The following NR2F6 variants were observed in gnomAD, a reference collection of about 807,000 sequenced individuals.
The protein encoded by NR2F6 is ERBA-related gene-2.
In NR2F6, 16 loss-of-function variants were observed where a neutral mutation model predicts 26.5. That is an observed-to-expected ratio of 0.60 (90% confidence interval 0.41 to 0.92). The LOEUF (loss-of-function observed/expected upper bound fraction) is 0.92, where lower values mean the gene tolerates loss of function less well. Ranked by LOEUF, NR2F6 falls within the 40% of genes least tolerant of loss-of-function variation. NR2F6 has a pLI of 0.00. For synonymous variants in NR2F6, 325 were observed against 305.0 expected (o/e 1.07, Z -0.68); for missense variants, 536 against 631.7 (o/e 0.85, Z 1.62).
At position 17,235,298 on chromosome 19, in the gene NR2F6, G is replaced by A. The variant is rs980678332; in HGVS notation, c.940+201C>T. Among the ~76,000 whole-genome samples the A allele has an allele frequency of 6.6e-6, 1 of 152,242 alleles. No individual in the cohort carries two copies. The highest frequency in any genetic ancestry group is 1.5e-5 in the Non-Finnish European group (1 of 68,038). ...AGTTCTCCGAGAGTCCTGGGATCACGGAGTGGGGGTGTCACAGTGTCACAC... is the reference window on the plus strand; with the variant it reads ...AGTTCTCCGAGAGTCCTGGGATCACAGAGTGGGGGTGTCACAGTGTCACAC... On this transcript the variant is annotated intron_variant, in intron 3 of 3. Transcript: ENST00000291442. This position sits in a 1 kb window ranked among gnomAD's most constrained non-coding sequence, Gnocchi z 5.0.
intron 2 of NR2F6, among the ~76,000 whole-genome samples, chr19:17,240,341 G>C (rs1258587186): frequency 6.6e-6 from 1 of 152,244 alleles, no homozygotes; most frequent in Admixed American, 6.5e-5. Context: ...GCTGGAGTCG[G>C]GGGTAATTGG....
Position 17,241,308 on chromosome 19 carries a change from T to G in NR2F6, c.279-543A>C, listed in dbSNP as rs2145567979. Among the ~76,000 whole-genome samples, 2 of 147,998 alleles carry G rather than the reference T, an allele frequency of 1.4e-5. 1 individual carries two copies. Among genetic ancestry groups the G allele is most frequent in the South Asian group, 4.3e-4 (2 of 4,630 alleles). ...GGCCCCAGCATTATCACCCGCACAA[T>G]GCCCACCCCAAGGAATGAGGAAGTA... On this transcript the variant is annotated intron_variant, in intron 1 of 3. Coordinates refer to ENST00000291442, the MANE Select transcript of NR2F6 (RefSeq NM_005234.4).
At chr19:17,238,171 A>G (rs957468656) in intron 2 of NR2F6, among the ~76,000 whole-genome samples, 2 of 152,188 alleles carry the variant, frequency 1.3e-5, no homozygotes, top group Non-Finnish European at 2.9e-5. Context: ...ATGAGAATCT[A>G]TACCTTAAAA....
chr19:17,234,039 A>C (rs540024470), intron 3 of NR2F6, among the ~76,000 whole-genome samples: 132 of 151,976 alleles, frequency 8.7e-4, no homozygotes, highest in African/African-American at 3.2e-3. Context: ...CCTGACCAAC[A>C]TGATGAAACC....
intron 1 of NR2F6, among the ~76,000 whole-genome samples, chr19:17,242,476 G>A (rs1348175850): frequency 6.6e-6 from 1 of 152,158 alleles, no homozygotes; most frequent in African/African-American, 2.4e-5. Flanking sequence ...GGTCAGAGGG[G>A]TTCACGGGGG....
rs1477156078 is a variant in NR2F6 at position 17,235,159 on chromosome 19, G to T, written c.940+340C>A. ...TGTGCTATCAGTGCTCACTAAGCCT[G>T]AAGAGCCCTTTGGTGAGGGAGTAGG... On this transcript the variant is annotated intron_variant, in intron 3 of 3. Transcript: ENST00000291442. This position sits in a 1 kb window ranked among gnomAD's most constrained non-coding sequence, Gnocchi z 5.0. Among the ~76,000 whole-genome samples the T allele has an allele frequency of 6.6e-6, 1 of 152,228 alleles. No individual in the cohort carries two copies. The highest frequency in any genetic ancestry group is 1.5e-5 in the Non-Finnish European group (1 of 68,036).
chr19:17,235,374 T>C lies in NR2F6; in HGVS notation c.940+125A>G. On this transcript the variant is annotated intron_variant, in intron 3 of 3. Transcript: ENST00000291442. This position sits in a 1 kb window ranked among gnomAD's most constrained non-coding sequence, Gnocchi z 5.0. The stretch of plus-strand genomic sequence containing the variant: ...CCCAAGAGCGTTCACTCACGGCGCG[T>C]GCAGGGCCCCAGGCCTAGGGAGCGA... The C allele has an allele frequency of 3.4e-6, 5 of 1,467,348 alleles. No individual in the cohort carries two copies. The highest frequency in any genetic ancestry group is 4.5e-6 in the Non-Finnish European group (5 of 1,116,064). 90.9% of individuals were successfully genotyped at this position (1,467,348 alleles called of 1,614,324 possible).
At chr19:17,243,240 A>G (rs576294297) in intron 1 of NR2F6, among the ~76,000 whole-genome samples, 2 of 152,270 alleles carry the variant, frequency 1.3e-5, no homozygotes, top group Admixed American at 6.5e-5. Context: ...GGGACCCCAG[A>G]TCCCACAGAC....
In NR2F6 at chr19:17,237,702, G is replaced by A. The variant is rs145835470; in HGVS notation, c.374-1637C>T. ...TGGGATTACAGGCGTGAGCCCCCACGCCTGGCCGGCCTTTGCACTTTCTGT... is the reference window on the plus strand; with the variant it reads ...TGGGATTACAGGCGTGAGCCCCCACACCTGGCCGGCCTTTGCACTTTCTGT... On this transcript the variant is annotated intron_variant, in intron 2 of 3. Coordinates refer to ENST00000291442, the MANE Select transcript of NR2F6 (RefSeq NM_005234.4). Among the ~76,000 whole-genome samples the A allele has an allele frequency of 3.6e-3, 549 of 152,238 alleles. 1 individual carries two copies. Among genetic ancestry groups the A allele is most frequent in the East Asian group, 0.011 (57 of 5,168 alleles).
chr19:17,235,128 C>A lies in NR2F6; in HGVS notation c.940+371G>T, dbSNP rs927033851. Among the ~76,000 whole-genome samples the A allele has an allele frequency of 4.9e-4, 74 of 152,232 alleles. No individual in the cohort carries two copies. The highest frequency in any genetic ancestry group is 2.4e-4 in the Non-Finnish European group (16 of 68,042). ...CAGGACCTTCCCTCCCACGTCCCCC[C>A]AACCTTGTGCTATCAGTGCTCACTA... On this transcript the variant is annotated intron_variant, in intron 3 of 3. Coordinates refer to ENST00000291442, the MANE Select transcript of NR2F6 (RefSeq NM_005234.4). The surrounding 1 kb of genome is among the most constrained non-coding windows in gnomAD (Gnocchi z 5.0).
rs2073411105 is a variant in NR2F6, at chr19:17,232,217, C to T, written c.*135G>A. The stretch of plus-strand genomic sequence containing the variant: ...AAAAACAGAAAAGACAAACATTTCA[C>T]AGTCTTTAAAAAATAGAAGTCTGAG... On this transcript the variant is annotated 3_prime_UTR_variant, in exon 4 of 4. Coordinates refer to ENST00000291442, the MANE Select transcript of NR2F6 (RefSeq NM_005234.4). 2 of 1,189,552 alleles carry T rather than the reference C, an allele frequency of 1.7e-6. No individual in the cohort carries two copies. Among genetic ancestry groups the T allele is most frequent in the African/African-American group, 1.5e-5 (1 of 64,680 alleles). 73.7% of individuals were successfully genotyped at this position (1,189,552 alleles called of 1,614,324 possible).
Position 17,242,560 on chromosome 19 carries a change from A to AC in NR2F6, c.279-1796dup, listed in dbSNP as rs533684012. The stretch of plus-strand genomic sequence containing the variant: ...TGAGGATCTGCGCCCACTCCCCCGT[A>AC]CCCCCCCTCCACCACTGCCTGGGTC... On this transcript the variant is annotated intron_variant, in intron 1 of 3. Transcript: ENST00000291442. Among the ~76,000 whole-genome samples, 30 of 151,732 alleles carry AC rather than the reference A, an allele frequency of 2.0e-4. 1 individual carries two copies. The South Asian group carries it at 4.6e-3, about 23-fold the overall frequency.
intron 1 of NR2F6, among the ~76,000 whole-genome samples, chr19:17,244,067 C>T (rs1190070896): frequency 6.6e-6 from 1 of 152,200 alleles, no homozygotes; most frequent in Admixed American, 6.5e-5. Context: ...CGATCGCTTT[C>T]CCTGGGGACC....
chr19:17,240,815 C>T (rs766847967), intron 1 of NR2F6, 50 bp from the exon 2 acceptor site: 54 of 1,577,564 alleles, frequency 3.4e-5, no homozygotes, highest in South Asian at 1.7e-4. Flanking sequence ...TATCCTCCTC[C>T]CCGAACCAGC....
chr19:17,242,386 T>TGGC (rs1327341589), intron 1 of NR2F6, among the ~76,000 whole-genome samples: 2 of 152,136 alleles, frequency 1.3e-5, no homozygotes, highest in African/African-American at 4.8e-5. Flanking sequence ...GCCCCTCAGG[T>TGGC]GGCGACTGCC....
At chr19:17,233,236 G>C (rs910612810) in intron 3 of NR2F6, among the ~76,000 whole-genome samples, 2 of 152,084 alleles carry the variant, frequency 1.3e-5, no homozygotes, top group East Asian at 3.9e-4. Flanking sequence ...AGGATCTCTT[G>C]AGCCTAGGAG....
Position 17,245,040 on chromosome 19 carries a change from C to A in NR2F6, c.181G>T (p.Asp61Tyr). 2 of 1,603,110 alleles carry A rather than the reference C, an allele frequency of 1.2e-6. No homozygotes were observed. Among genetic ancestry groups the A allele is most frequent in the African/African-American group, 1.3e-5 (1 of 74,724 alleles). The change falls in exon 1 of 4, where the codon GAC (aspartate) becomes TAC (tyrosine). Residue 61 changes from aspartate (D) to tyrosine (Y), a missense_variant. Physicochemically the swap from Asp to Tyr is radical, Grantham distance 160. Transcript: ENST00000291442. This position sits in a 1 kb window ranked among gnomAD's most constrained non-coding sequence, Gnocchi z 5.0. ...CCGTAATGCTTGCCGCTCGACTTGTCCCCGCACACCACGCAGTCCACCTGC... is the reference window on the plus strand; with the variant it reads ...CCGTAATGCTTGCCGCTCGACTTGTACCCGCACACCACGCAGTCCACCTGC... ...GLQVDCVVCG[D>Y]KSSGKHYGVF...
Position 17,235,702 on chromosome 19 carries a change from T to TTCAGCACGAAGAGCTCGC in NR2F6, c.719_736dup (p.Ser240_Leu245dup). ...CAGGGGCAGCGCCGCCTGCGCCGCG[T>TTCAGCACGAAGAGCTCGC]TCAGCACGAAGAGCTCGCTCCAGCT... On this transcript the variant is annotated inframe_insertion, in exon 3 of 4. Transcript: ENST00000291442. This position sits in a 1 kb window ranked among gnomAD's most constrained non-coding sequence, Gnocchi z 5.0. 1 of 1,495,300 alleles carries TTCAGCACGAAGAGCTCGC rather than the reference T, an allele frequency of 6.7e-7. No individual in the cohort carries two copies. The allele number at this position is 1,495,300 out of a possible 1,614,324, so 92.6% of individuals were successfully genotyped here. A position where few individuals can be genotyped will look rare whatever the true frequency, so the allele number is the denominator to read the frequency against.
intron 3 of NR2F6, among the ~76,000 whole-genome samples, chr19:17,234,696 TA>T (rs1013997158): frequency 3.3e-5 from 5 of 150,920 alleles, no homozygotes; most frequent in East Asian, 2.0e-4. Flanking sequence ...AGAAAACGTT[TA>T]AAAAAAAATT....
Sources: gnomAD v4.1 joint callset for allele counts (sites outside exome capture counted in the v4.1 genomes callset) on GRCh38, gnomAD v4.1.1 for gene constraint, Gnocchi (gnomAD v3.1) non-coding constraint, MANE v1.5 for transcripts, NCBI Gene and HGNC (gene_info 2026-07-23, HGNC 2026-07-21) for gene names.